Variants in MYO3B observed in about 807,000 individuals in gnomAD.
MYO3B encodes myosin IIIB.
Under a neutral mutation model 174.6 loss-of-function variants are expected in MYO3B, and 156 were observed. The observed-to-expected ratio is 0.89, with a 90% CI of 0.78 to 1.02. MYO3B has a LOEUF of 1.02. Among genes scored for constraint, MYO3B ranks in the 50% least tolerant of loss-of-function variants. The probability of loss-of-function intolerance (pLI) is 0.00; values close to 1 mark genes in which losing one functional copy is unlikely to be tolerated. For synonymous variants in MYO3B, 563 were observed against 569.1 expected (o/e 0.99, Z 0.15); for missense variants, 1,632 against 1,639.4 (o/e 1.00, Z 0.08).
intron 9 of MYO3B, among the ~76,000 whole-genome samples, chr2:170,379,317 C>G (rs1283731693): frequency 6.6e-6 from 1 of 151,782 alleles, no homozygotes; most frequent in Non-Finnish European, 1.5e-5. Context: ...GCCTCAGCCT[C>G]CTGAGTAGCT....
intron 7 of MYO3B, among the ~76,000 whole-genome samples, chr2:170,309,425 G>C (rs1305430435): frequency 2.0e-5 from 3 of 151,952 alleles, no homozygotes; most frequent in Non-Finnish European, 4.4e-5. Flanking sequence ...CCGCTACCCT[G>C]AACCTTCCCT....
intron 6 of MYO3B, among the ~76,000 whole-genome samples, chr2:170,223,245 T>A (rs755539846): frequency 1.8e-4 from 28 of 152,176 alleles, no homozygotes; most frequent in Non-Finnish European, 3.1e-4. Flanking sequence ...TAGCCTGCAT[T>A]TTATGCACTT....
chr2:170,314,549 A>G (rs1372897219), intron 7 of MYO3B, among the ~76,000 whole-genome samples: 2 of 152,218 alleles, frequency 1.3e-5, no homozygotes, highest in African/African-American at 4.8e-5. Flanking sequence ...GACAGAAAAC[A>G]TCACTAAGAA....
chr2:170,438,040 A>G (rs984017169), intron 22 of MYO3B, among the ~76,000 whole-genome samples: 1 of 152,098 alleles, frequency 6.6e-6, no homozygotes, highest in African/African-American at 2.4e-5. Flanking sequence ...ATTTTTTCAT[A>G]TTATGTGACT....
chr2:170,514,809 T>A lies in MYO3B; in HGVS notation c.3371-112T>A, dbSNP rs1199282167. The A allele has an allele frequency of 1.1e-5, 9 of 831,602 alleles. No individual in the cohort carries two copies. In the African/African-American group the frequency reaches 1.4e-4, roughly 13 times the overall value. The allele number at this position is 831,602 out of a possible 1,614,324, so 51.5% of individuals were successfully genotyped here. A position where few individuals can be genotyped will look rare whatever the true frequency, so the allele number is the denominator to read the frequency against. ...AGTGAGATTAGTCACCTTGGTGCCT[T>A]GAACCGTAAGAAAAGTGTGGATTTT... On this transcript the variant is annotated intron_variant, in intron 28 of 34. Transcript: ENST00000408978.
At chr2:170,624,127 G>C (rs529320224) in intron 32 of MYO3B, among the ~76,000 whole-genome samples, 1 of 152,186 alleles carries the variant, frequency 6.6e-6, no homozygotes, top group Non-Finnish European at 1.5e-5. Flanking sequence ...TTGGTAGCTT[G>C]ATGGGGATGG....
At chr2:170,630,085 A>G (rs1236202649) in intron 32 of MYO3B, among the ~76,000 whole-genome samples, 1 of 152,198 alleles carries the variant, frequency 6.6e-6, no homozygotes, top group Non-Finnish European at 1.5e-5. Context: ...ATGGAGGGCG[A>G]GCTGAAGCAG....
intron 32 of MYO3B, among the ~76,000 whole-genome samples, chr2:170,642,202 ATTCATTCATTC>A (rs1400349111): frequency 6.6e-6 from 1 of 152,140 alleles, no homozygotes; most frequent in Non-Finnish European, 1.5e-5. Flanking sequence ...TCACTCATTC[ATTCATTCATTC>A]TTCATTCATT....
chr2:170,321,485 G>A (rs947397773), intron 7 of MYO3B, among the ~76,000 whole-genome samples: 1 of 152,128 alleles, frequency 6.6e-6, no homozygotes, highest in Non-Finnish European at 1.5e-5. Flanking sequence ...TACAGAGGAA[G>A]TTAAAAGAAC....
chr2:170,385,255 C>T (rs1025746347), intron 12 of MYO3B, among the ~76,000 whole-genome samples: 6 of 152,132 alleles, frequency 3.9e-5, no homozygotes, highest in African/African-American at 1.4e-4. Flanking sequence ...ATCTTTAAAT[C>T]CCCTCTTCTT....
At chr2:170,187,458 TTGACCTCAAG>T (rs2092480430) in intron 1 of MYO3B, among the ~76,000 whole-genome samples, 1 of 152,112 alleles carries the variant, frequency 6.6e-6, no homozygotes, top group African/African-American at 2.4e-5. Flanking sequence ...TCTCAAACTC[TTGACCTCAAG>T]TGACCTGCCT....
chr2:170,534,005 T>C (rs982070383), intron 30 of MYO3B, among the ~76,000 whole-genome samples: 1 of 152,226 alleles, frequency 6.6e-6, no homozygotes, highest in African/African-American at 2.4e-5. Flanking sequence ...ACAAATAGTC[T>C]TTTTTGCTTA....
intron 22 of MYO3B, among the ~76,000 whole-genome samples, chr2:170,434,812 C>T (rs928129162): frequency 6.6e-6 from 1 of 152,222 alleles, no homozygotes; most frequent in Non-Finnish European, 1.5e-5. Context: ...AGGCGTGGCA[C>T]CACGCCCAGT....
rs753640396 is a variant in MYO3B, at chr2:170,522,854, C to CT, written c.3575+3318dup. On this transcript the variant is annotated intron_variant, in intron 30 of 34. Transcript: ENST00000408978. ...TTTTAATACTCCTTGAGCTGTAGCC[C>CT]TTTTGTAACAGTACTACTCAAAGTG... 1.2e-3 allele frequency among the ~76,000 whole-genome samples: 181 copies of CT among 152,282 alleles called. 2 individuals carry two copies. Among genetic ancestry groups the CT allele is most frequent in the Non-Finnish European group, 2.2e-3 (147 of 68,026 alleles).
At chr2:170,646,931 CT>C in intron 32 of MYO3B, 2 of 1,357,832 alleles carry the variant, frequency 1.5e-6, no homozygotes, top group Non-Finnish European at 2.0e-6. Context: ...ACGGATGTAA[CT>C]TTTATGGGTA....
intron 23 of MYO3B, among the ~76,000 whole-genome samples, chr2:170,452,174 TA>T (rs1683632772): frequency 6.6e-6 from 1 of 151,704 alleles, no homozygotes; most frequent in African/African-American, 2.4e-5. Flanking sequence ...TAATGCAAAG[TA>T]ATTTCTGATA....
At position 170,404,283 on chromosome 2, in the gene MYO3B, G is replaced by C. The variant is rs771214819; in HGVS notation, c.2314G>C (p.Val772Leu). 3.1e-6 allele frequency: 5 copies of C among 1,612,878 alleles called. No individual in the cohort carries two copies. The highest frequency in any genetic ancestry group is 4.2e-6 in the Non-Finnish European group (5 of 1,179,390). The change falls in exon 20 of 35, where the codon GTG (valine) becomes CTG (leucine). Residue 772 changes from valine to leucine, a missense_variant. Physicochemically the swap from Val to Leu is conservative, Grantham distance 32. Transcript: ENST00000408978. The stretch of plus-strand genomic sequence containing the variant: ...GAATGAAGGCATTGATGCTGTACCC[G>C]TGGAATATGAGGACAACCGCCCGCT... ...YQNEGIDAVP[V>L]EYEDNRPLLD... is the part of the protein sequence containing the mutation.
Position 170,649,101 on chromosome 2 carries a change from TTA to T in MYO3B, c.3734-2520_3734-2519del, listed in dbSNP as rs200324842. On this transcript the variant is annotated intron_variant, in intron 32 of 34. Transcript: ENST00000408978. ...TATATAAAATAATATATAATGTATA[TTA>T]TATATAAAATAATATATAATGTATA... Among the ~76,000 whole-genome samples, 47 of 70,834 alleles carry T rather than the reference TTA, an allele frequency of 6.6e-4. 6 individuals carry two copies. Among genetic ancestry groups the T allele is most frequent in the African/African-American group, 4.4e-3 (45 of 10,234 alleles). The allele number at this position is 70,834 out of a possible 152,430, so 46.5% of individuals were successfully genotyped here. A position where few individuals can be genotyped will look rare whatever the true frequency, so the allele number is the denominator to read the frequency against.
intron 32 of MYO3B, among the ~76,000 whole-genome samples, chr2:170,588,294 C>A (rs1035858491): frequency 5.9e-5 from 9 of 152,020 alleles, no homozygotes; most frequent in African/African-American, 2.2e-4. Context: ...AAAAAATTAG[C>A]CGGGTGTAGT....
Sources: gnomAD v4.1 joint callset for allele counts (sites outside exome capture counted in the v4.1 genomes callset) on GRCh38, gnomAD v4.1.1 for gene constraint, MANE v1.5 for transcripts, NCBI Gene and HGNC (gene_info 2026-07-23, HGNC 2026-07-21) for gene names.